ERBB4: variants seen among roughly 807,000 people sequenced by gnomAD.
The protein encoded by ERBB4 is receptor tyrosine-protein kinase erbB-4.
A neutral mutation model predicts 158.0 loss-of-function variants in ERBB4; 42 were observed. That is an observed-to-expected ratio of 0.27 (90% CI 0.21 to 0.34). ERBB4 has a LOEUF of 0.34. ERBB4 is among the 10% of genes least tolerant of loss of function. The probability of loss-of-function intolerance (pLI) is 1.00; values close to 1 mark genes in which losing one functional copy is unlikely to be tolerated. For synonymous variants in ERBB4, 583 were observed against 558.7 expected, an observed-to-expected ratio of 1.04 and a Z score of -0.61; for missense variants, 1,333 against 1,624.1, an observed-to-expected ratio of 0.82 and a Z score of 3.08.
intron 18 of ERBB4, among the ~76,000 whole-genome samples, chr2:211,620,591 T>C (rs143520485): frequency 2.0e-3 from 309 of 152,322 alleles, no homozygotes; most frequent in Middle Eastern, 6.8e-3. Context: ...TAGGGAAATC[T>C]ATGTGCCAAA....
intron 20 of ERBB4, among the ~76,000 whole-genome samples, chr2:211,555,999 A>G (rs562980256): frequency 1.3e-5 from 2 of 152,328 alleles, no homozygotes; most frequent in Admixed American, 1.3e-4. Flanking sequence ...AATGGGCTAA[A>G]TGCCCCAATT....
chr2:212,044,454 C>T (rs1192420950), intron 2 of ERBB4, among the ~76,000 whole-genome samples: 2 of 152,070 alleles, frequency 1.3e-5, no homozygotes, highest in East Asian at 1.9e-4. Flanking sequence ...TAACCCTCCC[C>T]CTTTTGAAAC....
At position 211,691,590 on chromosome 2, in the gene ERBB4, GTGTGTGTGTGTGTA is replaced by G. The variant is rs1342817946; in HGVS notation, c.1489+10363_1489+10376del. On this transcript the variant is annotated intron_variant, in intron 12 of 27. Coordinates refer to ENST00000342788, the MANE Select transcript of ERBB4 (RefSeq NM_005235.3). The stretch of plus-strand genomic sequence containing the variant: ...CATATGTGTGTGTGTGTGTGTGTGT[GTGTGTGTGTGTGTA>G]TATATATAACAGATTGCTGAGAGAA... Among the ~76,000 whole-genome samples the G allele has an allele frequency of 9.3e-4, 137 of 146,724 alleles. 1 individual carries two copies. Among genetic ancestry groups the G allele is most frequent in the African/African-American group, 3.2e-3 (127 of 39,456 alleles).
rs185625292 is a variant in ERBB4 at position 211,397,904 on chromosome 2, C to T, written c.3136-9912G>A. The stretch of plus-strand genomic sequence containing the variant: ...GGGCATCTATTTAGTCTGATGAATT[C>T]ATTCGTAAAATCTTCTCAAATTGGT... On this transcript the variant is annotated intron_variant, in intron 25 of 27. Coordinates refer to ENST00000342788, the MANE Select transcript of ERBB4 (RefSeq NM_005235.3). Among the ~76,000 whole-genome samples the T allele has an allele frequency of 9.9e-5, 15 of 152,278 alleles. No homozygotes were observed. In the East Asian group the frequency reaches 2.9e-3, roughly 29 times the overall value.
chr2:212,215,803 G>A (rs1193822014), intron 1 of ERBB4, among the ~76,000 whole-genome samples: 5 of 151,288 alleles, frequency 3.3e-5, no homozygotes. Flanking sequence ...CTGAATTTTT[G>A]CTTTTCCTTT....
At chr2:212,256,607 T>C (rs1206726209) in intron 1 of ERBB4, among the ~76,000 whole-genome samples, 1 of 152,182 alleles carries the variant, frequency 6.6e-6, no homozygotes, top group Non-Finnish European at 1.5e-5. Flanking sequence ...ATGTGCTTTG[T>C]TTAATTTACC....
intron 19 of ERBB4, among the ~76,000 whole-genome samples, chr2:211,594,112 C>A (rs1162980297): frequency 6.6e-6 from 1 of 151,926 alleles, no homozygotes; most frequent in African/African-American, 2.4e-5. Flanking sequence ...TTGGTGGAAC[C>A]CAACCGATAA....
At chr2:211,744,982 T>C (rs951492525) in intron 5 of ERBB4, among the ~76,000 whole-genome samples, 2 of 152,230 alleles carry the variant, frequency 1.3e-5, no homozygotes, top group Non-Finnish European at 2.9e-5. Flanking sequence ...TCTGATTGTA[T>C]CTTTCAGACT....
chr2:211,976,236 G>T (rs2081602894), intron 2 of ERBB4, among the ~76,000 whole-genome samples: 2 of 152,066 alleles, frequency 1.3e-5, no homozygotes, highest in South Asian at 4.1e-4. Context: ...CTCTAAACCA[G>T]AATTTCATCA....
intron 2 of ERBB4, among the ~76,000 whole-genome samples, chr2:212,057,830 A>G (rs965276041): frequency 9.2e-5 from 14 of 152,224 alleles, no homozygotes; most frequent in Non-Finnish European, 1.6e-4. Flanking sequence ...AGAAAGCAGG[A>G]AAGATCTAAA....
At chr2:212,359,671 C>A (rs1268080443) in intron 1 of ERBB4, among the ~76,000 whole-genome samples, 1 of 151,662 alleles carries the variant, frequency 6.6e-6, no homozygotes, top group Admixed American at 6.6e-5. Flanking sequence ...CAGGGGCACA[C>A]CAGTTAATCA....
chr2:211,925,215 G>A (rs73077372), intron 3 of ERBB4, among the ~76,000 whole-genome samples: 1,676 of 152,140 alleles, frequency 0.011, 31 homozygotes, highest in African/African-American at 0.038. Context: ...GAACTGCCTT[G>A]CTCAAACAAC....
intron 1 of ERBB4, among the ~76,000 whole-genome samples, chr2:212,135,804 G>T (rs1180888728): frequency 6.6e-6 from 1 of 152,040 alleles, no homozygotes; most frequent in Non-Finnish European, 1.5e-5. Flanking sequence ...TTTAATGTAG[G>T]CACTGGACTT....
intron 2 of ERBB4, among the ~76,000 whole-genome samples, chr2:211,999,969 C>G (rs938578881): frequency 6.6e-6 from 1 of 151,676 alleles, no homozygotes; most frequent in Admixed American, 6.6e-5. Flanking sequence ...AATGGTGTCT[C>G]TAGTCACGGT....
chr2:211,947,343 T>G, intron 3 of ERBB4, 87 bp downstream of exon 3: 2 of 1,082,830 alleles, frequency 1.8e-6, no homozygotes, highest in Non-Finnish European at 2.8e-6. Flanking sequence ...TGTTCCTCAA[T>G]GTAACAAATA....
intron 1 of ERBB4, among the ~76,000 whole-genome samples, chr2:212,400,933 C>A (rs898192647): frequency 6.6e-6 from 1 of 152,080 alleles, no homozygotes; most frequent in Non-Finnish European, 1.5e-5. Context: ...TATAGTACAA[C>A]CTAAAAGAGC....
chr2:211,908,632 A>G (rs1575357508), intron 3 of ERBB4, among the ~76,000 whole-genome samples: 1 of 151,946 alleles, frequency 6.6e-6, no homozygotes, highest in Non-Finnish European at 1.5e-5. Context: ...AGATTTGCCC[A>G]GCATTTTATG....
chr2:212,273,495 C>T (rs978977828), intron 1 of ERBB4, among the ~76,000 whole-genome samples: 2 of 151,786 alleles, frequency 1.3e-5, no homozygotes, highest in African/African-American at 4.8e-5. Flanking sequence ...TTACTACAAG[C>T]CAGCCATTCA....
intron 1 of ERBB4, among the ~76,000 whole-genome samples, chr2:212,258,956 A>G (rs1436578967): frequency 1.3e-5 from 2 of 152,110 alleles, no homozygotes; most frequent in African/African-American, 2.4e-5. Flanking sequence ...AATAGGATAA[A>G]AGTGAAGTCT....
Sources: allele counts gnomAD v4.1 joint callset (sites outside exome capture counted in the v4.1 genomes callset), GRCh38; gene constraint gnomAD v4.1.1; transcripts MANE v1.5; gene names NCBI Gene and HGNC (gene_info 2026-07-23, HGNC 2026-07-21).